HSH2D: variants seen among roughly 807,000 people sequenced by gnomAD.
The protein encoded by HSH2D is hematopoietic SH2 domain containing, also known as hematopoietic SH2 domain-containing protein.
A neutral mutation model predicts 21.5 loss-of-function variants in HSH2D; 16 were observed. That is an observed-to-expected ratio of 0.74 (90% CI 0.50 to 1.13). The LOEUF (loss-of-function observed/expected upper bound fraction) is 1.13. Among genes scored for constraint, HSH2D ranks in the 50% most tolerant of loss-of-function variants. The pLI is 0.00. For missense variants in HSH2D, 418 were observed against 441.4 expected, an observed-to-expected ratio of 0.95 and a Z score of 0.47; for synonymous variants, 172 against 184.7, an observed-to-expected ratio of 0.93 and a Z score of 0.56.
chr19:16,139,989 G>A (rs1364608212), upstream of HSH2D: 2 of 152,274 alleles, frequency 1.3e-5, no homozygotes, highest in African/African-American at 4.8e-5. Flanking sequence ...CATCACCCAA[G>A]CAGGTCAGGG....
intron 1 of HSH2D, among the ~76,000 whole-genome samples, chr19:16,147,070 C>T (rs2091081380): frequency 6.6e-6 from 1 of 152,130 alleles, no homozygotes; most frequent in Non-Finnish European, 1.5e-5. Flanking sequence ...AGGTGATCCA[C>T]CTGCCTCAGC....
chr19:16,149,741 C>T (rs867207761), intron 2 of HSH2D, among the ~76,000 whole-genome samples: 12 of 150,682 alleles, frequency 8.0e-5, no homozygotes, highest in African/African-American at 2.2e-4. Flanking sequence ...CCACCGCACC[C>T]GGCTAATATT....
chr19:16,139,661 C>A (rs948831299), upstream of HSH2D: 1 of 152,278 alleles, frequency 6.6e-6, no homozygotes, highest in Non-Finnish European at 1.5e-5. Context: ...CCAGCATTTT[C>A]CCAGCACTAA....
upstream of HSH2D, among the ~76,000 whole-genome samples, chr19:16,138,843 G>A (rs962583258): frequency 3.3e-5 from 5 of 151,720 alleles, no homozygotes; most frequent in African/African-American, 1.2e-4. Context: ...GCCCTAGAAG[G>A]GTGGGGACCA....
At chr19:16,143,866 T>G (rs1275035672) in intron 1 of HSH2D, 92 bp downstream of exon 1, 9 of 272,470 alleles carry the variant, frequency 3.3e-5, no homozygotes, top group East Asian at 1.3e-4. Flanking sequence ...GGGCCTGGGG[T>G]GGCAGGAGGG....
rs2091258350 is a variant in HSH2D, at chr19:16,157,869, A to G, written c.*75A>G. ...TCCTGAATGCCTTAACATTTCTTCC[A>G]TGGCCCCACACCATGGCATCCGGGG... is the stretch of plus-strand genomic sequence containing the variant. On this transcript the variant is annotated 3_prime_UTR_variant, in exon 6 of 6. Transcript: ENST00000613986. The surrounding 1 kb of genome is among the most constrained non-coding windows in gnomAD (Gnocchi z 4.4). 3 of 1,094,478 alleles carry G rather than the reference A, an allele frequency of 2.7e-6. No homozygotes were observed. Among genetic ancestry groups the G allele is most frequent in the African/African-American group, 3.2e-5 (2 of 63,032 alleles). 67.8% of individuals were successfully genotyped at this position (1,094,478 alleles called of 1,614,324 possible). A position where few individuals can be genotyped will look rare whatever the true frequency, so the allele number is the denominator to read the frequency against.
chr19:16,156,477 C>T (rs963406981), intron 5 of HSH2D, among the ~76,000 whole-genome samples: 4 of 152,184 alleles, frequency 2.6e-5, no homozygotes, highest in Non-Finnish European at 4.4e-5. Context: ...AGCTATCACA[C>T]CTGGCCCCAC....
chr19:16,135,410 C>T (rs1253556221), intron 1 of HSH2D, among the ~76,000 whole-genome samples: 1 of 151,922 alleles, frequency 6.6e-6, no homozygotes, highest in African/African-American at 2.4e-5. Flanking sequence ...GCCTGGGTGA[C>T]AGAGCAAGAC....
intron 3 of HSH2D, 24 bp downstream of exon 3, chr19:16,152,665 G>A: frequency 6.5e-7 from 1 of 1,528,510 alleles, no homozygotes; most frequent in Non-Finnish European, 8.9e-7. Context: ...CGGGATCCAG[G>A]GCAGGGGCAG....
intron 1 of HSH2D, among the ~76,000 whole-genome samples, chr19:16,145,662 C>A (rs1164655103): frequency 3.3e-5 from 5 of 152,174 alleles, no homozygotes; most frequent in Non-Finnish European, 7.3e-5. Flanking sequence ...ATATTGACTG[C>A]CATTGGTCAA....
Position 16,157,193 on chromosome 19 carries a change from C to G in HSH2D, c.475-17C>G, listed in dbSNP as rs752659056. On this transcript the variant is annotated splice_polypyrimidine_tract_variant and intron_variant, in intron 5 of 5. Coordinates refer to ENST00000613986, the MANE Select transcript of HSH2D (RefSeq NM_001382417.1). The surrounding 1 kb of genome is among the most constrained non-coding windows in gnomAD (Gnocchi z 4.4). ...GGTGGGCAAGCTGCCCCAGGCCTCC[C>G]CTACTCTCATTTTCAGGCCTCCCCA... 22 of 1,517,486 alleles carry G rather than the reference C, an allele frequency of 1.4e-5. No individual in the cohort carries two copies. The highest frequency in any genetic ancestry group is 1.9e-5 in the Non-Finnish European group (21 of 1,133,292). 94.0% of individuals were successfully genotyped at this position (1,517,486 alleles called of 1,614,324 possible).
In HSH2D at chr19:16,157,867, C is replaced by T; in HGVS notation, c.*73C>T. ...ACTCCTGAATGCCTTAACATTTCTTCCATGGCCCCACACCATGGCATCCGG... is the reference window on the plus strand; with the variant it reads ...ACTCCTGAATGCCTTAACATTTCTTTCATGGCCCCACACCATGGCATCCGG... On this transcript the variant is annotated 3_prime_UTR_variant, in exon 6 of 6. Coordinates refer to ENST00000613986, the MANE Select transcript of HSH2D (RefSeq NM_001382417.1). This position sits in a 1 kb window ranked among gnomAD's most constrained non-coding sequence, Gnocchi z 4.4. 1 of 1,124,606 alleles carries T rather than the reference C, an allele frequency of 8.9e-7. No homozygotes were observed. The highest frequency in any genetic ancestry group is 2.7e-5 in the Admixed American group (1 of 36,556). 69.7% of individuals were successfully genotyped at this position (1,124,606 alleles called of 1,614,324 possible). A position where few individuals can be genotyped will look rare whatever the true frequency, so the allele number is the denominator to read the frequency against.
chr19:16,134,620 G>A lies in HSH2D; in HGVS notation c.-324+385G>A, dbSNP rs528732877. Among the ~76,000 whole-genome samples, 14 of 152,110 alleles carry A rather than the reference G, an allele frequency of 9.2e-5. No homozygotes were observed. In the East Asian group the frequency reaches 2.3e-3, roughly 25 times the overall value. On this transcript the variant is annotated intron_variant, in intron 1 of 7. Coordinates refer to the HSH2D transcript ENST00000616645. ...TCTATTCCAATTTGAATGTCTCATC[G>A]GCACCGTAAGCATAACACAGCCCTG... is the stretch of plus-strand genomic sequence containing the variant.
At chr19:16,136,152 G>A (rs904367031) in intron 1 of HSH2D, among the ~76,000 whole-genome samples, 6 of 152,092 alleles carry the variant, frequency 3.9e-5, no homozygotes, top group Non-Finnish European at 5.9e-5. Context: ...TTGAGCCTCC[G>A]AGCACGCACT....
chr19:16,152,476 C>T lies in HSH2D; in HGVS notation c.126-76C>T, dbSNP rs2091172197. 4 of 801,218 alleles carry T rather than the reference C, an allele frequency of 5.0e-6. No homozygotes were observed. The Admixed American group carries it at 1.1e-4, about 22-fold the overall frequency. The allele number at this position is 801,218 out of a possible 1,614,324, so 49.6% of individuals were successfully genotyped here. On this transcript the variant is annotated intron_variant, in intron 2 of 5. Coordinates refer to ENST00000613986, the MANE Select transcript of HSH2D (RefSeq NM_001382417.1). ...ACTACCAGCCTTCTCCATGAATGAT[C>T]CCATGGCCCCAGGAGTCTAACTGGT...
At position 16,157,722 on chromosome 19, in the gene HSH2D, G is replaced by A. The variant is rs1343602186; in HGVS notation, c.987G>A (p.Leu329=). ...SQESKPEHQG[L]AEPENDQLPE... is the part of the protein sequence containing the mutation. ...AGTCCAAGCCAGAGCACCAGGGCTT[G>A]GCAGAGCCTGAGAACGACCAGCTCC... The change falls in exon 6 of 6, where the codon TTG becomes TTA. Residue 329 remains leucine (L), a synonymous_variant. Transcript: ENST00000613986. The surrounding 1 kb of genome is among the most constrained non-coding windows in gnomAD (Gnocchi z 4.4). 6.2e-7 allele frequency: 1 copy of A among 1,613,196 alleles called. No individual in the cohort carries two copies.
chr19:16,138,766 A>G (rs990326026), upstream of HSH2D, among the ~76,000 whole-genome samples: 1 of 150,818 alleles, frequency 6.6e-6, no homozygotes, highest in Non-Finnish European at 1.5e-5. Context: ...TGCCCTTGCT[A>G]TTTTCTTTTC....
chr19:16,138,029 G>A (rs1314865496), intron 1 of HSH2D, among the ~76,000 whole-genome samples: 1 of 151,902 alleles, frequency 6.6e-6, no homozygotes, highest in Non-Finnish European at 1.5e-5. Context: ...CACCACGCCT[G>A]GCTAATTTTT....
intron 1 of HSH2D, among the ~76,000 whole-genome samples, chr19:16,147,487 A>C (rs1204602039): frequency 1.1e-4 from 16 of 147,428 alleles, no homozygotes; most frequent in Admixed American, 8.6e-4. Context: ...CTGTCTCAAA[A>C]AAAAAAAAAA....
Sources: allele counts gnomAD v4.1 joint callset (sites outside exome capture counted in the v4.1 genomes callset), GRCh38; gene constraint gnomAD v4.1.1; non-coding constraint Gnocchi (gnomAD v3.1); transcripts MANE v1.5; gene names NCBI Gene and HGNC (gene_info 2026-07-23, HGNC 2026-07-21).